TTN: variants seen among roughly 807,000 people sequenced by gnomAD.
TTN encodes connectin.
A neutral mutation model predicts 3,223.0 loss-of-function variants in TTN; 1,525 were observed. The ratio of observed to expected loss-of-function variants is 0.47; its 90% confidence interval spans 0.45 to 0.49. The LOEUF (loss-of-function observed/expected upper bound fraction) is 0.49, where lower values mean the gene tolerates loss of function less well. Ranked by LOEUF, TTN falls within the 20% of genes least tolerant of loss-of-function variation. The pLI is 0.00. For synonymous variants in TTN, 14,094 were observed against 15,161.0 expected (o/e 0.93, Z 5.17); for missense variants, 40,786 against 43,424.0 (o/e 0.94, Z 5.40).
intron 313 of TTN, 151 bp from the exon 314 acceptor site, chr2:178,582,743 G>A (rs1575942289): frequency 5.4e-6 from 5 of 921,882 alleles, no homozygotes; most frequent in Non-Finnish European, 6.1e-6. Context: ...TTCTTCACTT[G>A]TAAAATTAGG....
intron 344 of TTN, 99 bp downstream of exon 344, chr2:178,545,289 T>A: frequency 2.5e-6 from 3 of 1,178,880 alleles, no homozygotes; most frequent in Middle Eastern, 2.1e-4. Flanking sequence ...TTCTAGACCA[T>A]TCATAAATTC....
rs2082084610 is a variant in TTN at position 178,739,368 on chromosome 2, A to AT, written c.13864dup (p.Ile4622AsnfsTer12). 1 of 1,613,746 alleles carries AT rather than the reference A, an allele frequency of 6.2e-7. No homozygotes were observed. The highest frequency in any genetic ancestry group is 8.5e-7 in the Non-Finnish European group (1 of 1,179,840). On this transcript the variant is annotated frameshift_variant, in exon 48 of 363. Coordinates refer to ENST00000589042, the MANE Select transcript of TTN (RefSeq NM_001267550.2). LOFTEE classifies it high-confidence loss of function. ...TGTTATGGATGTTGTGAGGTGTACA[A>AT]TATCACCTTCCTCAGAAACAGTGTC...
At position 178,591,462 on chromosome 2, in the gene TTN, A is replaced by T. The variant is rs747560869; in HGVS notation, c.60263T>A (p.Leu20088His). The change falls in exon 304 of 363, where the codon CTT (leucine) becomes CAT (histidine). Residue 20088 changes from leucine to histidine, a missense_variant. Leu to His is a moderately conservative substitution (Grantham distance 99). Coordinates refer to ENST00000589042, the MANE Select transcript of TTN (RefSeq NM_001267550.2). ...GACTGTGGTTCCAGCCTTTACCACA[A>T]GACCTTCAATTAATTTCACATCTAG... ...VELDVKLIEGLVVKAGTTVRF... is the reference protein window; with the variant it reads ...VELDVKLIEGHVVKAGTTVRF... 6.3e-7 allele frequency: 1 copy of T among 1,590,248 alleles called. No individual in the cohort carries two copies. The highest frequency in any genetic ancestry group is 8.5e-7 in the Non-Finnish European group (1 of 1,171,750).
At position 178,682,875 on chromosome 2, in the gene TTN, CCTTT is replaced by C. The variant is rs1358006661; in HGVS notation, c.32912_32915del (p.Glu10971GlyfsTer5). 1 of 1,608,812 alleles carries C rather than the reference CCTTT, an allele frequency of 6.2e-7. No individual in the cohort carries two copies. The highest frequency in any genetic ancestry group is 1.1e-5 in the South Asian group (1 of 89,810). ...CAGCTTCTTCTTCTAGGGTATAAGC[CCTTT>C]CTTTCTCTTCCATTATAGTTACTTC... On this transcript the variant is annotated frameshift_variant, in exon 135 of 363. Coordinates refer to ENST00000589042, the MANE Select transcript of TTN (RefSeq NM_001267550.2). LOFTEE classifies it high-confidence loss of function.
chr2:178,714,530 G>A lies in TTN; in HGVS notation c.26244C>T (p.Val8748=), dbSNP rs780219663. 8 of 1,612,768 alleles carry A rather than the reference G, an allele frequency of 5.0e-6. No homozygotes were observed. Among genetic ancestry groups the A allele is most frequent in the South Asian group, 1.1e-5 (1 of 90,946 alleles). ...FVKKLSDIST[V]VGKEVQLQTT... Reference sequence around the variant, plus strand: ...TCTGCAGCTGAACTTCTTTACCAACGACAGTAGATATGTCACTGAGCTTCT... The same window carrying A: ...TCTGCAGCTGAACTTCTTTACCAACAACAGTAGATATGTCACTGAGCTTCT... The change falls in exon 91 of 363, where the codon GTC becomes GTT. Residue 8748 remains valine (V), a synonymous_variant. Transcript: ENST00000589042.
chr2:178,696,881 G>A (rs1235120894), intron 113 of TTN, among the ~76,000 whole-genome samples: 1 of 151,948 alleles, frequency 6.6e-6, no homozygotes, highest in African/African-American at 2.4e-5. Flanking sequence ...TTCCTTTCTA[G>A]CCCTCACTTC....
chr2:178,587,632 T>C lies in TTN; in HGVS notation c.63677A>G (p.Asp21226Gly), dbSNP rs879061715. ...GGGGATGACAAGGAAGGCCATAGTG[T>C]CAACCAGATCAACTTGTCCTTTTCT... ...VVRKGQVDLV[D>G]TMAFLVIPNS... Residue 21226 changes from aspartate (D) to glycine (G), a missense_variant, in exon 306 of 363, where the codon GAC (aspartate) becomes GGC (glycine). Asp to Gly is a moderately conservative substitution (Grantham distance 94). Transcript: ENST00000589042. The C allele has an allele frequency of 1.2e-6, 2 of 1,612,756 alleles. No homozygotes were observed. Among genetic ancestry groups the C allele is most frequent in the Non-Finnish European group, 1.7e-6 (2 of 1,179,412 alleles).
intron 282 of TTN, among the ~76,000 whole-genome samples, chr2:178,602,916 G>A (rs1330523164): frequency 6.6e-6 from 1 of 151,884 alleles, no homozygotes; most frequent in Non-Finnish European, 1.5e-5. Flanking sequence ...TTCTACAATA[G>A]CCTTTACTGA....
In TTN at chr2:178,608,263, A is replaced by G. The variant is rs748979265; in HGVS notation, c.52620T>C (p.Tyr17540=). Residue 17540 remains tyrosine, a synonymous_variant, in exon 275 of 363, where the codon TAT becomes TAC. Coordinates refer to ENST00000589042, the MANE Select transcript of TTN (RefSeq NM_001267550.2). ...NVDGLLEGLT[Y]VFRVCAENAA... ...CATTTTCAGCACATACTCTGAAGAC[A>G]TAGGTGAGTCCTTCTAATAAGCCAT... 3 of 1,611,576 alleles carry G rather than the reference A, an allele frequency of 1.9e-6. No homozygotes were observed. The highest frequency in any genetic ancestry group is 4.5e-5 in the East Asian group (2 of 44,512).
At position 178,599,416 on chromosome 2, in the gene TTN, T is replaced by G; in HGVS notation, c.56377A>C (p.Lys18793Gln). ...TGATCTGCTGAAACAGATTCAAATTTTATGGGTCCCACTGGAGGGCCAGGA... is the reference window on the plus strand; with the variant it reads ...TGATCTGCTGAAACAGATTCAAATTGTATGGGTCCCACTGGAGGGCCAGGA... ...GRPGPPVGPI[K>Q]FESVSADQMT... Residue 18793 changes from lysine to glutamine, a missense_variant, in exon 290 of 363, where the codon AAA becomes CAA. Coordinates refer to ENST00000589042, the MANE Select transcript of TTN (RefSeq NM_001267550.2). The G allele has an allele frequency of 6.4e-7, 1 of 1,555,290 alleles. No homozygotes were observed. Among genetic ancestry groups the G allele is most frequent in the Non-Finnish European group, 8.7e-7 (1 of 1,153,448 alleles).
Position 178,591,267 on chromosome 2 carries a change from A to C in TTN, c.60458T>G (p.Val20153Gly). The C allele has an allele frequency of 7.4e-6, 12 of 1,613,162 alleles. No individual in the cohort carries two copies. The highest frequency in any genetic ancestry group is 1.0e-5 in the Non-Finnish European group (12 of 1,179,470). The change falls in exon 304 of 363, where the codon GTT (valine) becomes GGT (glycine). Residue 20153 changes from valine (V) to glycine (G), a missense_variant. By Grantham distance (109) the Val-to-Gly change is moderately radical. Coordinates refer to ENST00000589042, the MANE Select transcript of TTN (RefSeq NM_001267550.2). Reference sequence around the variant, plus strand: ...TGTTTTGCTACCGGCTGCATTGGAAACTGTGATTTGATATTCCCCAGTGTC... The same window carrying C: ...TGTTTTGCTACCGGCTGCATTGGAACCTGTGATTTGATATTCCCCAGTGTC... ...RRDTGEYQITVSNAAGSKTVA... is the reference protein window; with the variant it reads ...RRDTGEYQITGSNAAGSKTVA...
rs551538420 is a variant in TTN at position 178,776,287 on chromosome 2, C to A, written c.5577G>T (p.Arg1859Ser). 212 of 1,614,106 alleles carry A rather than the reference C, an allele frequency of 1.3e-4. 1 individual carries two copies. Among genetic ancestry groups the A allele is most frequent in the Non-Finnish European group, 1.6e-4 (191 of 1,179,994 alleles). The change falls in exon 28 of 363, where the codon AGG (arginine) becomes AGT (serine). Residue 1859 changes from arginine to serine, a missense_variant. Arg to Ser is a moderately radical substitution (Grantham distance 110, BLOSUM62 -1). Transcript: ENST00000589042. ...PVRVLEGETA[R>S]FRCRVTGYPQ... The stretch of plus-strand genomic sequence containing the variant: ...GGTAGCCTGTTACCCTGCAGCGGAA[C>A]CTTGCAGTCTCCCCTTCAAGTACTC...
At position 178,557,142 on chromosome 2, in the gene TTN, G is replaced by T. The variant is rs774162189; in HGVS notation, c.88012C>A (p.Pro29338Thr). ...EPVLAIDACE[P>T]PRNVRITDIS... ...TCAGTGATACGAACATTTCTTGGGG[G>T]TTCTGTGGTAATAAGAGAAGCAGAT... The change falls in exon 330 of 363, where the codon CCC becomes ACC. Residue 29338 changes from proline to threonine, a missense_variant and splice_region_variant. Coordinates refer to ENST00000589042, the MANE Select transcript of TTN (RefSeq NM_001267550.2). 1 of 1,613,400 alleles carries T rather than the reference G, an allele frequency of 6.2e-7. No homozygotes were observed.
rs2057021551 is a variant in TTN, at chr2:178,614,882, C to A, written c.48725G>T (p.Arg16242Ile). 6.3e-7 allele frequency: 1 copy of A among 1,576,716 alleles called. No homozygotes were observed. The highest frequency in any genetic ancestry group is 1.3e-5 in the African/African-American group (1 of 74,392). ...LNRQGASKPSRPTEEIQAVDT... is the reference protein window; with the variant it reads ...LNRQGASKPSIPTEEIQAVDT... ...CACAGCCTGGATTTCCTCTGTGGGT[C>A]TGCTTGGTTTGCTAGCACCCTGCCT... Residue 16242 changes from arginine to isoleucine, a missense_variant, in exon 260 of 363, where the codon AGA (arginine) becomes ATA (isoleucine). Physicochemically the swap from Arg to Ile is moderately conservative, Grantham distance 97. Transcript: ENST00000589042.
At chr2:178,677,570 C>G in intron 146 of TTN, 51 bp downstream of exon 146, 1 of 1,523,050 alleles carries the variant, frequency 6.6e-7, no homozygotes, top group Non-Finnish European at 8.8e-7. Flanking sequence ...GATGGGAAAG[C>G]AGAATTCAAC....
chr2:178,774,875 G>T, intron 29 of TTN, 46 bp downstream of exon 29: 1 of 1,609,346 alleles, frequency 6.2e-7, no homozygotes, highest in South Asian at 1.1e-5. Flanking sequence ...TGCTAAGGGT[G>T]ACTTTAGAGC....
chr2:178,713,754 A>T (rs2077041323), intron 92 of TTN, 143 bp downstream of exon 92: 2 of 1,056,806 alleles, frequency 1.9e-6, no homozygotes, highest in East Asian at 2.6e-5. Context: ...AATTCTACAG[A>T]TGGTATTGCC....
At chr2:178,617,644 G>T in intron 253 of TTN, 132 bp from the exon 254 acceptor site, 6 of 1,410,852 alleles carry the variant, frequency 4.3e-6, no homozygotes, top group Non-Finnish European at 5.7e-6. Flanking sequence ...CACAGTCTGG[G>T]TTTCTAAAAC....
chr2:178,764,157 C>A lies in TTN; in HGVS notation c.10114+20G>T, dbSNP rs1459010638. On this transcript the variant is annotated intron_variant, in intron 43 of 362. Coordinates refer to ENST00000589042, the MANE Select transcript of TTN (RefSeq NM_001267550.2). ...TTATTTGTAAGTATTGGCAATGACACCTTTTGTTCTTAAACCTACCTGTTC... is the reference window on the plus strand; with the variant it reads ...TTATTTGTAAGTATTGGCAATGACAACTTTTGTTCTTAAACCTACCTGTTC... 6.2e-7 allele frequency: 1 copy of A among 1,614,030 alleles called. No individual in the cohort carries two copies. The highest frequency in any genetic ancestry group is 1.7e-5 in the Admixed American group (1 of 60,006).
Sources: gnomAD v4.1 joint callset for allele counts (sites outside exome capture counted in the v4.1 genomes callset) on GRCh38, gnomAD v4.1.1 for gene constraint, MANE v1.5 for transcripts, NCBI Gene and HGNC (gene_info 2026-07-23, HGNC 2026-07-21) for gene names.